Variants in EFCAB6 observed in about 807,000 individuals in gnomAD.
EFCAB6 encodes EF-hand calcium-binding domain-containing protein 6.
Under a neutral mutation model 169.8 loss-of-function variants are expected in EFCAB6, and 156 were observed. That is an observed-to-expected ratio of 0.92 (90% confidence interval 0.81 to 1.05). The LOEUF is 1.05. EFCAB6 is among the 50% of genes least tolerant of loss of function. The pLI is 0.00. For missense variants in EFCAB6, 1,800 were observed against 1,829.1 expected (o/e 0.98, Z 0.29); for synonymous variants, 698 against 676.4 (o/e 1.03, Z -0.50).
At chr22:43,594,390 T>A (rs6006710) in intron 23 of EFCAB6, among the ~76,000 whole-genome samples, 10,846 of 151,494 alleles carry the variant, frequency 0.072, 470 homozygotes, top group Admixed American at 0.099. Context: ...ATGCTGCCTA[T>A]AAGAAACTCA....
chr22:43,759,226 G>C (rs2061065280), intron 5 of EFCAB6: 1 of 152,172 alleles, frequency 6.6e-6, no homozygotes, highest in African/African-American at 2.4e-5. Context: ...TTATCCATCT[G>C]AATCTCTGAT....
chr22:43,574,741 C>G (rs562588475), intron 26 of EFCAB6, among the ~76,000 whole-genome samples: 4 of 152,032 alleles, frequency 2.6e-5, no homozygotes, highest in Admixed American at 6.5e-5. Context: ...TTGCGACGCA[C>G]ATGACAACCA....
rs572486949 is a variant in EFCAB6, at chr22:43,703,972, C to A, written c.1031+7503G>T. The stretch of plus-strand genomic sequence containing the variant: ...TTAAAGAAATAATGACTGAAAACTT[C>A]CCTAATTTGGGAAAAGATACCAGTA... On this transcript the variant is annotated intron_variant, in intron 10 of 31. Transcript: ENST00000262726. Among the ~76,000 whole-genome samples, 24 of 152,096 alleles carry A rather than the reference C, an allele frequency of 1.6e-4. No individual in the cohort carries two copies. In the South Asian group the frequency reaches 4.8e-3, roughly 30 times the overall value.
chr22:43,550,183 TG>T (rs1350038301), intron 27 of EFCAB6, among the ~76,000 whole-genome samples: 1 of 152,020 alleles, frequency 6.6e-6, no homozygotes, highest in Admixed American at 6.6e-5. Flanking sequence ...TGGAGGAGCC[TG>T]GGGGGTACTG....
chr22:43,705,260 AT>A (rs2058914140), intron 10 of EFCAB6, among the ~76,000 whole-genome samples: 1 of 152,170 alleles, frequency 6.6e-6, no homozygotes, highest in Non-Finnish European at 1.5e-5. Flanking sequence ...GGAAGGTCAG[AT>A]TGCAATATAA....
At chr22:43,682,147 G>A (rs549525991) in intron 12 of EFCAB6, among the ~76,000 whole-genome samples, 2 of 152,116 alleles carry the variant, frequency 1.3e-5, no homozygotes, top group African/African-American at 2.4e-5. Flanking sequence ...GGTGCATGGT[G>A]GGGGGATGGG....
At chr22:43,622,238 T>C (rs1315051540) in intron 20 of EFCAB6, among the ~76,000 whole-genome samples, 1 of 152,230 alleles carries the variant, frequency 6.6e-6, no homozygotes, top group Non-Finnish European at 1.5e-5. Context: ...TTCTTAGATG[T>C]CTTACAAAAT....
chr22:43,690,014 T>C (rs572262247), intron 10 of EFCAB6, among the ~76,000 whole-genome samples: 1 of 152,330 alleles, frequency 6.6e-6, no homozygotes, highest in East Asian at 1.9e-4. Context: ...AGCTGTAAGA[T>C]GACAGCCCAT....
intron 19 of EFCAB6, among the ~76,000 whole-genome samples, chr22:43,627,511 G>A (rs1190877039): frequency 6.6e-6 from 1 of 152,302 alleles, no homozygotes; most frequent in African/African-American, 2.4e-5. Flanking sequence ...TGCTTAGAAC[G>A]AGCCTGGCTT....
At chr22:43,748,707 C>A (rs1346537263) in intron 6 of EFCAB6, among the ~76,000 whole-genome samples, 1 of 152,194 alleles carries the variant, frequency 6.6e-6, no homozygotes, top group Non-Finnish European at 1.5e-5. Flanking sequence ...CCTGCTCCCA[C>A]AGAACACAGA....
intron 2 of EFCAB6, among the ~76,000 whole-genome samples, chr22:43,803,155 C>A (rs2062790872): frequency 6.6e-6 from 1 of 152,190 alleles, no homozygotes. Flanking sequence ...CCTGTTGGGA[C>A]CTGACCCTCA....
At chr22:43,710,045 C>T (rs1220321855) in intron 10 of EFCAB6, among the ~76,000 whole-genome samples, 1 of 152,200 alleles carries the variant, frequency 6.6e-6, no homozygotes, top group Non-Finnish European at 1.5e-5. Flanking sequence ...ATCAATTACC[C>T]ACAGTTTGAC....
chr22:43,621,018 C>T (rs964033762), intron 20 of EFCAB6, among the ~76,000 whole-genome samples: 4 of 151,930 alleles, frequency 2.6e-5, no homozygotes, highest in Admixed American at 2.0e-4. Flanking sequence ...TAATATCACA[C>T]AAGATATGTT....
intron 15 of EFCAB6, among the ~76,000 whole-genome samples, chr22:43,669,928 G>C (rs1315182767): frequency 1.3e-5 from 2 of 152,148 alleles, no homozygotes; most frequent in Non-Finnish European, 2.9e-5. Flanking sequence ...GAGTCCATCA[G>C]AGGCAACATG....
chr22:43,808,088 A>G (rs1042625663), intron 2 of EFCAB6, among the ~76,000 whole-genome samples: 6 of 152,190 alleles, frequency 3.9e-5, no homozygotes, highest in Admixed American at 3.9e-4. Flanking sequence ...GATTGAAAAT[A>G]TTCAGGAAAA....
rs557007857 is a variant in EFCAB6 at position 43,576,352 on chromosome 22, G to A, written c.3365C>T (p.Thr1122Ile). ...YFLRKLRIHL[T>I]PYINWKYFLQ... is the part of the protein sequence containing the mutation. ...AAAATATTTCCAATTTATATAGGGG[G>A]TTAGATGAATTCTTAGTTTCCTCAA... Residue 1122 changes from threonine (T) to isoleucine (I), a missense_variant, in exon 26 of 32, where the codon ACC becomes ATC. By Grantham distance (89) the Thr-to-Ile change is moderately conservative. Coordinates refer to ENST00000262726, the MANE Select transcript of EFCAB6 (RefSeq NM_022785.4). 4.0e-5 allele frequency: 64 copies of A among 1,600,680 alleles called. No individual in the cohort carries two copies. The highest frequency in any genetic ancestry group is 5.3e-5 in the Non-Finnish European group (62 of 1,176,756).
In EFCAB6 at chr22:43,600,127, G is replaced by C; in HGVS notation, c.2818C>G (p.Gln940Glu). 6.2e-7 allele frequency: 1 copy of C among 1,614,124 alleles called. No individual in the cohort carries two copies. The highest frequency in any genetic ancestry group is 8.5e-7 in the Non-Finnish European group (1 of 1,180,026). ...NFMGHFTKPQ[Q>E]LQEEMKELQQ... is the part of the protein sequence containing the mutation. ...AGCTCCTTCATCTCTTCCTGTAGCT[G>C]CTGTGGCTTTGTAAAATGACCCATG... The change falls in exon 23 of 32, where the codon CAG becomes GAG. Residue 940 changes from glutamine to glutamate, a missense_variant. Physicochemically the swap from Gln to Glu is conservative, Grantham distance 29. Coordinates refer to ENST00000262726, the MANE Select transcript of EFCAB6 (RefSeq NM_022785.4).
At chr22:43,784,633 G>GTGTGTATATATACACA (rs769950101) in intron 2 of EFCAB6, among the ~76,000 whole-genome samples, 2 of 64,110 alleles carry the variant, frequency 3.1e-5, no homozygotes, top group East Asian at 3.1e-4. Context: ...ACATATATAT[G>GTGTGTATATATACACA]TATATGTACA....
intron 24 of EFCAB6, among the ~76,000 whole-genome samples, chr22:43,581,544 C>A (rs1036264895): frequency 1.3e-5 from 2 of 152,128 alleles, no homozygotes; most frequent in Non-Finnish European, 1.5e-5. Flanking sequence ...ATTAAAGATG[C>A]AAAATAATTA....
Sources: gnomAD v4.1 joint callset for allele counts (sites outside exome capture counted in the v4.1 genomes callset) on GRCh38, gnomAD v4.1.1 for gene constraint, MANE v1.5 for transcripts, NCBI Gene and HGNC (gene_info 2026-07-23, HGNC 2026-07-21) for gene names.